RRP15: variants seen among roughly 807,000 people sequenced by gnomAD.
The protein encoded by RRP15 is RRP15-like protein.
Under a neutral mutation model 27.1 loss-of-function variants are expected in RRP15, and 18 were observed. The observed-to-expected ratio is 0.66, with a 90% CI of 0.46 to 0.98. The LOEUF (loss-of-function observed/expected upper bound fraction) is 0.98. RRP15 is among the 50% of genes least tolerant of loss of function. The pLI, the probability that RRP15 is intolerant of heterozygous loss-of-function variation, is 0.00. For synonymous variants in RRP15, 107 were observed against 109.4 expected (o/e 0.98, Z 0.14); for missense variants, 359 against 337.8 (o/e 1.06, Z -0.49).
chr1:218,295,518 T>G (rs748020710), intron 1 of RRP15, among the ~76,000 whole-genome samples: 7 of 152,326 alleles, frequency 4.6e-5, no homozygotes, highest in African/African-American at 1.7e-4. Flanking sequence ...GCCATCTACT[T>G]ATAACAAAAG....
At chr1:218,309,030 A>C (rs1324101404) in intron 4 of RRP15, among the ~76,000 whole-genome samples, 2 of 152,210 alleles carry the variant, frequency 1.3e-5, no homozygotes, top group African/African-American at 2.4e-5. Flanking sequence ...TTCATGAGTT[A>C]TGAAAATACA....
Position 218,285,468 on chromosome 1 carries a change from G to A in RRP15, c.139+13G>A. ...TCTGATAGTGAAGGTAATGTGGTAG[G>A]GCTGAGCTTTGGTGTCTGGGAGGAA... On this transcript the variant is annotated intron_variant, in intron 1 of 4. Coordinates refer to ENST00000366932, the MANE Select transcript of RRP15 (RefSeq NM_016052.4). 6.2e-7 allele frequency: 1 copy of A among 1,613,858 alleles called. No homozygotes were observed. Among genetic ancestry groups the A allele is most frequent in the Non-Finnish European group, 8.5e-7 (1 of 1,179,942 alleles).
At chr1:218,286,595 G>A (rs926409629) in intron 1 of RRP15, among the ~76,000 whole-genome samples, 3 of 152,148 alleles carry the variant, frequency 2.0e-5, no homozygotes, top group African/African-American at 7.2e-5. Context: ...ACCATTTGAT[G>A]TATGTATTTG....
chr1:218,331,232 G>A lies in RRP15; in HGVS notation c.*141G>A, dbSNP rs1179133852. 1 of 661,900 alleles carries A rather than the reference G, an allele frequency of 1.5e-6. No homozygotes were observed. The allele number at this position is 661,900 out of a possible 1,614,324, so 41.0% of individuals were successfully genotyped here. ...CAGATTTCATATTTCCCCTTTTCAT[G>A]TACACTTTATATATACTTCATTAAA... is the stretch of plus-strand genomic sequence containing the variant. On this transcript the variant is annotated 3_prime_UTR_variant, in exon 5 of 5. Coordinates refer to ENST00000366932, the MANE Select transcript of RRP15 (RefSeq NM_016052.4).
At chr1:218,313,340 G>T (rs1445031436) in intron 4 of RRP15, among the ~76,000 whole-genome samples, 1 of 152,150 alleles carries the variant, frequency 6.6e-6, no homozygotes, top group Non-Finnish European at 1.5e-5. Flanking sequence ...GAATCAGATT[G>T]GAGAGGCAAT....
chr1:218,304,947 T>G, intron 2 of RRP15, 81 bp from the exon 3 acceptor site: 1 of 1,293,286 alleles, frequency 7.7e-7, no homozygotes, highest in South Asian at 1.3e-5. Context: ...ACCTTCACCC[T>G]TTCACAGAGT....
chr1:218,290,252 C>A (rs1403116960), intron 1 of RRP15, among the ~76,000 whole-genome samples: 6 of 152,102 alleles, frequency 3.9e-5, no homozygotes, highest in Non-Finnish European at 8.8e-5. Context: ...TAAATACTTA[C>A]TCTCAATTTG....
At chr1:218,289,072 A>G (rs1232237105) in intron 1 of RRP15, among the ~76,000 whole-genome samples, 1 of 152,222 alleles carries the variant, frequency 6.6e-6, no homozygotes, top group African/African-American at 2.4e-5. Flanking sequence ...AAATGAGTTT[A>G]TATATGGTAA....
rs1387898225 is a variant in RRP15, at chr1:218,285,434, A to G, written c.118A>G (p.Thr40Ala). ...AGCGTCGGTGCTGGAAGACGAGGCCACAGACACTTCTGATAGTGAAGGTAA... is the reference window on the plus strand; with the variant it reads ...AGCGTCGGTGCTGGAAGACGAGGCCGCAGACACTTCTGATAGTGAAGGTAA... ...AVASVLEDEA[T>A]DTSDSEGSCG... Residue 40 changes from threonine to alanine, a missense_variant, in exon 1 of 5, where the codon ACA (threonine) becomes GCA (alanine). Physicochemically the swap from Thr to Ala is moderately conservative, Grantham distance 58. Coordinates refer to ENST00000366932, the MANE Select transcript of RRP15 (RefSeq NM_016052.4). The G allele has an allele frequency of 1.2e-6, 2 of 1,614,060 alleles. No homozygotes were observed. Among genetic ancestry groups the G allele is most frequent in the East Asian group, 2.2e-5 (1 of 44,888 alleles).
At chr1:218,315,698 C>T (rs556795781) in intron 4 of RRP15, among the ~76,000 whole-genome samples, 1 of 151,830 alleles carries the variant, frequency 6.6e-6, no homozygotes, top group Admixed American at 6.6e-5. Flanking sequence ...TCAAGTGATC[C>T]TCCGACCTGG....
chr1:218,319,556 C>T lies in RRP15; in HGVS notation c.706-11392C>T, dbSNP rs575476060. 1.6e-4 allele frequency among the ~76,000 whole-genome samples: 25 copies of T among 152,224 alleles called. No individual in the cohort carries two copies. In the East Asian group the frequency reaches 4.8e-3, roughly 29 times the overall value. On this transcript the variant is annotated intron_variant, in intron 4 of 4. Transcript: ENST00000366932. The stretch of plus-strand genomic sequence containing the variant: ...TCCTTGCATTCTGGGACAGGATGTC[C>T]AGCCCAAACCTTGTGCTTTCTGTGT...
At chr1:218,290,309 A>G (rs1258117539) in intron 1 of RRP15, among the ~76,000 whole-genome samples, 1 of 152,216 alleles carries the variant, frequency 6.6e-6, no homozygotes, top group African/African-American at 2.4e-5. Flanking sequence ...GTAAAGTTGC[A>G]GGAAACCCTG....
chr1:218,303,106 A>G (rs1655840437), intron 2 of RRP15, among the ~76,000 whole-genome samples: 1 of 152,200 alleles, frequency 6.6e-6, no homozygotes, highest in Non-Finnish European at 1.5e-5. Flanking sequence ...TCTATTAATT[A>G]AAGGCCAAAA....
At position 218,302,562 on chromosome 1, in the gene RRP15, A is replaced by T. The variant is rs763024627; in HGVS notation, c.405+3A>T. Reference sequence around the variant, plus strand: ...AAAGACTAGAGAAAATAAAACAGGTATGTTCCACCAGTTCTCTTGTAGATT... The same window carrying T: ...AAAGACTAGAGAAAATAAAACAGGTTTGTTCCACCAGTTCTCTTGTAGATT... On this transcript the variant is annotated splice_donor_region_variant and intron_variant, in intron 2 of 4. Coordinates refer to ENST00000366932, the MANE Select transcript of RRP15 (RefSeq NM_016052.4). 1 of 1,610,166 alleles carries T rather than the reference A, an allele frequency of 6.2e-7. No individual in the cohort carries two copies. The highest frequency in any genetic ancestry group is 1.3e-5 in the African/African-American group (1 of 74,462).
At chr1:218,328,580 G>A (rs1310719766) in intron 4 of RRP15, among the ~76,000 whole-genome samples, 1 of 151,954 alleles carries the variant, frequency 6.6e-6, no homozygotes, top group Non-Finnish European at 1.5e-5. Context: ...GGAGAATGGC[G>A]TGAACCCGGG....
At chr1:218,304,887 C>T (rs918712216) in intron 2 of RRP15, 141 bp from the exon 3 acceptor site, 10 of 705,838 alleles carry the variant, frequency 1.4e-5, no homozygotes, top group Admixed American at 2.7e-5. Context: ...AAACCCCTAA[C>T]ATTGTGTTTT....
chr1:218,285,438 A>G lies in RRP15; in HGVS notation c.122A>G (p.Asp41Gly). Residue 41 changes from aspartate (D) to glycine (G), a missense_variant, in exon 1 of 5, where the codon GAC (aspartate) becomes GGC (glycine). By Grantham distance (94) the Asp-to-Gly change is moderately conservative. Coordinates refer to ENST00000366932, the MANE Select transcript of RRP15 (RefSeq NM_016052.4). ...VASVLEDEAT[D>G]TSDSEGSCGS... ...TCGGTGCTGGAAGACGAGGCCACAGACACTTCTGATAGTGAAGGTAATGTG... is the reference window on the plus strand; with the variant it reads ...TCGGTGCTGGAAGACGAGGCCACAGGCACTTCTGATAGTGAAGGTAATGTG... 1 of 1,614,146 alleles carries G rather than the reference A, an allele frequency of 6.2e-7. No homozygotes were observed. The highest frequency in any genetic ancestry group is 2.2e-5 in the East Asian group (1 of 44,870).
At chr1:218,314,450 G>A (rs1000119690) in intron 4 of RRP15, among the ~76,000 whole-genome samples, 7 of 151,852 alleles carry the variant, frequency 4.6e-5, no homozygotes, top group Non-Finnish European at 1.0e-4. Flanking sequence ...CAGATTTCTT[G>A]GAATGTAATT....
intron 1 of RRP15, among the ~76,000 whole-genome samples, chr1:218,293,283 A>G (rs950925850): frequency 1.3e-5 from 2 of 152,202 alleles, no homozygotes; most frequent in African/African-American, 4.8e-5. Flanking sequence ...TTGCTATTTA[A>G]TATAAGAAAT....
Sources: allele counts gnomAD v4.1 joint callset (sites outside exome capture counted in the v4.1 genomes callset), GRCh38; gene constraint gnomAD v4.1.1; transcripts MANE v1.5; gene names NCBI Gene and HGNC (gene_info 2026-07-23, HGNC 2026-07-21).